Variants in IPO8 observed in about 807,000 individuals in gnomAD.
The protein encoded by IPO8 is importin-8.
In IPO8, 65 loss-of-function variants were observed where a neutral mutation model predicts 141.2. That is an observed-to-expected ratio of 0.46 (90% CI 0.38 to 0.57). The LOEUF is 0.57. Among genes scored for constraint, IPO8 ranks in the 20% least tolerant of loss-of-function variants. The pLI is 0.00. For missense variants in IPO8, 980 were observed against 1,246.8 expected (o/e 0.79, Z 3.22); for synonymous variants, 411 against 420.3 (o/e 0.98, Z 0.27).
At chr12:30,686,126 G>T (rs886225648) in intron 2 of IPO8, among the ~76,000 whole-genome samples, 7 of 152,142 alleles carry the variant, frequency 4.6e-5, no homozygotes, top group Admixed American at 3.3e-4. Flanking sequence ...ATATAAAGGG[G>T]GATGTGTGTT....
At chr12:30,642,557 T>TAG (rs1406631067) in intron 20 of IPO8, among the ~76,000 whole-genome samples, 5 of 151,830 alleles carry the variant, frequency 3.3e-5, no homozygotes, top group Non-Finnish European at 5.9e-5. Context: ...TATATATATA[T>TAG]AGCGACATAT....
intron 5 of IPO8, among the ~76,000 whole-genome samples, chr12:30,678,160 T>C (rs760406900): frequency 4.6e-5 from 7 of 151,204 alleles, no homozygotes; most frequent in Non-Finnish European, 1.0e-4. Context: ...GTTTATGAAG[T>C]AAAAAAGTTA....
chr12:30,661,959 G>C (rs1232341387), intron 15 of IPO8, among the ~76,000 whole-genome samples: 7 of 152,066 alleles, frequency 4.6e-5, no homozygotes, highest in Admixed American at 4.6e-4. Context: ...GCTTAACATG[G>C]ATATATTTTG....
At chr12:30,666,588 C>G (rs750422824) in intron 10 of IPO8, among the ~76,000 whole-genome samples, 13 of 152,138 alleles carry the variant, frequency 8.5e-5, no homozygotes, top group Non-Finnish European at 1.6e-4. Flanking sequence ...GTGCCAGGTA[C>G]CATTCTAGAC....
At chr12:30,666,352 C>T (rs539920221) in intron 10 of IPO8, 101 bp from the exon 11 acceptor site, 6 of 739,284 alleles carry the variant, frequency 8.1e-6, no homozygotes, top group Non-Finnish European at 1.3e-5. Context: ...AAAATAAAAC[C>T]ATCCACATAT....
intron 3 of IPO8, among the ~76,000 whole-genome samples, chr12:30,683,148 G>A (rs929837721): frequency 5.9e-5 from 9 of 152,150 alleles, no homozygotes; most frequent in South Asian, 2.1e-4. Context: ...AGAACCACTC[G>A]AAGATTAAGG....
chr12:30,644,459 T>C (rs1458742736), intron 20 of IPO8, among the ~76,000 whole-genome samples: 1 of 150,930 alleles, frequency 6.6e-6, no homozygotes, highest in Non-Finnish European at 1.5e-5. Flanking sequence ...AATACCCCAA[T>C]AAAGCTTGGG....
At chr12:30,636,133 G>A (rs1003944759) in intron 22 of IPO8, among the ~76,000 whole-genome samples, 2 of 151,964 alleles carry the variant, frequency 1.3e-5, no homozygotes, top group Non-Finnish European at 2.9e-5. Context: ...TGCTGTGGAG[G>A]GGAGAAAAAG....
At chr12:30,633,123 T>G (rs933495991) in intron 23 of IPO8, among the ~76,000 whole-genome samples, 7 of 152,256 alleles carry the variant, frequency 4.6e-5, no homozygotes, top group African/African-American at 1.7e-4. Context: ...TATAGTTTCC[T>G]GTGTTCTCTG....
At chr12:30,682,542 A>T (rs1227045152) in intron 3 of IPO8, among the ~76,000 whole-genome samples, 3 of 152,224 alleles carry the variant, frequency 2.0e-5, no homozygotes, top group East Asian at 3.8e-4. Context: ...TTATCTGATA[A>T]CATAGATAAG....
intron 9 of IPO8, among the ~76,000 whole-genome samples, chr12:30,669,978 G>A (rs2053026374): frequency 2.0e-5 from 3 of 152,090 alleles, no homozygotes. Flanking sequence ...AATTCTAAGT[G>A]AAAAAATTCA....
Position 30,644,662 on chromosome 12 carries a change from T to G in IPO8, c.2268+4475A>C, listed in dbSNP as rs945235087. 2.8e-4 allele frequency among the ~76,000 whole-genome samples: 43 copies of G among 151,428 alleles called. No homozygotes were observed. In the East Asian group the frequency reaches 5.9e-3, roughly 21 times the overall value. ...GGTGTTTTTTTTTTTTGTTTTTTTT[T>G]TTTTTTGGAGACAGAGGAATTTTGC... On this transcript the variant is annotated intron_variant, in intron 20 of 24. Coordinates refer to ENST00000256079, the MANE Select transcript of IPO8 (RefSeq NM_006390.4).
Position 30,631,922 on chromosome 12 carries a change from G to A in IPO8, c.2989C>T (p.Leu997=). 3.1e-6 allele frequency: 5 copies of A among 1,612,544 alleles called. No individual in the cohort carries two copies. In the South Asian group the frequency reaches 4.4e-5, roughly 14 times the overall value. ...GCCACCGTCCGTCGGTGCTCTGCCA[G>A]TGTGTACACCTCCTGCAGTGCTGTC... ...QRTALQEVYT[L]AEHRRTVAEA... is the part of the protein sequence containing the mutation. The change falls in exon 24 of 25, where the codon CTG becomes TTG. Residue 997 remains leucine (L), a synonymous_variant. Transcript: ENST00000256079.
intron 17 of IPO8, among the ~76,000 whole-genome samples, chr12:30,655,105 A>G (rs79176187): frequency 0.076 from 11,647 of 152,270 alleles, 592 homozygotes; most frequent in Middle Eastern, 0.15. Context: ...GAACTTTCAG[A>G]AATTCTTTTA....
intron 19 of IPO8, among the ~76,000 whole-genome samples, chr12:30,651,866 TAA>T (rs921107864): frequency 6.6e-6 from 1 of 151,962 alleles, no homozygotes; most frequent in African/African-American, 2.4e-5. Context: ...AATTAAAAAA[TAA>T]AAAAGATCAT....
intron 20 of IPO8, among the ~76,000 whole-genome samples, chr12:30,644,933 G>C (rs1259737799): frequency 6.6e-6 from 1 of 151,746 alleles, no homozygotes; most frequent in African/African-American, 2.4e-5. Context: ...GATTACAGGC[G>C]TAAGCCACTG....
chr12:30,630,918 A>G lies in IPO8; in HGVS notation c.3056T>C (p.Phe1019Ser). Residue 1019 changes from phenylalanine to serine, a missense_variant, in exon 25 of 25, where the codon TTT becomes TCT. Phe to Ser is a radical substitution (Grantham distance 155, BLOSUM62 -2). Around this residue, in one of 3 missense-constraint regions of IPO8, gnomAD observed 924 missense variants for 1,153.9 expected, o/e 0.80. Transcript: ENST00000256079. ...KKIEQQGGFT[F>S]ENKGVLSAFN... ...TGCGGAGAGGACTCCTTTGTTTTCA[A>G]AGGTGAAGCCTCCCTGTTGTTCAAT... 6.2e-7 allele frequency: 1 copy of G among 1,613,804 alleles called. No homozygotes were observed. Among genetic ancestry groups the G allele is most frequent in the Non-Finnish European group, 8.5e-7 (1 of 1,180,006 alleles).
intron 23 of IPO8, among the ~76,000 whole-genome samples, chr12:30,632,937 T>C (rs2052453226): frequency 6.6e-6 from 1 of 152,160 alleles, no homozygotes; most frequent in Admixed American, 6.5e-5. Flanking sequence ...TACATGCTGG[T>C]TTAAAGTTGC....
intron 2 of IPO8, among the ~76,000 whole-genome samples, chr12:30,685,074 A>C (rs1323106868): frequency 6.6e-6 from 1 of 152,026 alleles, no homozygotes; most frequent in Admixed American, 6.6e-5. Flanking sequence ...CTTTAACAAA[A>C]GGCTTCTGAA....
Sources: allele counts gnomAD v4.1 joint callset (sites outside exome capture counted in the v4.1 genomes callset), GRCh38; gene constraint gnomAD v4.1.1; regional missense constraint gnomAD v4.1.1; transcripts MANE v1.5; gene names NCBI Gene and HGNC (gene_info 2026-07-23, HGNC 2026-07-21).